PRKD1: variants seen among roughly 807,000 people sequenced by gnomAD.
PRKD1 encodes protein kinase D1.
A neutral mutation model predicts 95.9 loss-of-function variants in PRKD1; 63 were observed. The ratio of observed to expected loss-of-function variants is 0.66; its 90% CI spans 0.54 to 0.81. The LOEUF is 0.81. Among genes scored for constraint, PRKD1 ranks in the 30% least tolerant of loss-of-function variants. The pLI is 0.00. For missense variants in PRKD1, 1,048 were observed against 1,165.3 expected (o/e 0.90, Z 1.47); for synonymous variants, 425 against 423.1 (o/e 1.00, Z -0.05).
chr14:29,656,603 C>G, intron 4 of PRKD1: 1 of 1,293,894 alleles, frequency 7.7e-7, no homozygotes, highest in Non-Finnish European at 1.1e-6. Flanking sequence ...GCACATTACT[C>G]AATAATGTTT....
chr14:29,711,267 G>A (rs1885322369), intron 2 of PRKD1, among the ~76,000 whole-genome samples: 2 of 152,064 alleles, frequency 1.3e-5, no homozygotes, highest in Non-Finnish European at 2.9e-5. Flanking sequence ...AAGAGTAAGA[G>A]AGGCCAGGAC....
chr14:29,621,332 T>TA (rs1473074825), intron 13 of PRKD1, among the ~76,000 whole-genome samples: 32 of 151,986 alleles, frequency 2.1e-4, no homozygotes, highest in Non-Finnish European at 4.4e-4. Context: ...CCCTAAAACT[T>TA]AAAGTATAAT....
chr14:29,842,087 T>G (rs1333574655), intron 1 of PRKD1, among the ~76,000 whole-genome samples: 1 of 152,176 alleles, frequency 6.6e-6, no homozygotes, highest in Non-Finnish European at 1.5e-5. Context: ...CCCACTGGAA[T>G]GTATTTGGGG....
At chr14:29,852,683 G>C (rs2139341428) in intron 1 of PRKD1, among the ~76,000 whole-genome samples, 1 of 152,230 alleles carries the variant, frequency 6.6e-6, no homozygotes, top group Admixed American at 6.5e-5. Flanking sequence ...TATAGTTTTT[G>C]TATGTTACTG....
At chr14:29,920,072 G>GGAAGGAAGGAAA (rs1566672323) in intron 1 of PRKD1, among the ~76,000 whole-genome samples, 81 of 125,894 alleles carry the variant, frequency 6.4e-4, no homozygotes, top group East Asian at 3.1e-3. Context: ...AAGGAAAGAA[G>GGAAGGAAGGAAA]GAAGGAAGGA....
At chr14:29,836,443 A>G (rs1891614167) in intron 1 of PRKD1, among the ~76,000 whole-genome samples, 1 of 152,174 alleles carries the variant, frequency 6.6e-6, no homozygotes, top group Admixed American at 6.5e-5. Flanking sequence ...CTATTTAGTC[A>G]CGTTGTAGGT....
chr14:29,806,743 G>C (rs1890252363), intron 1 of PRKD1, among the ~76,000 whole-genome samples: 3 of 152,102 alleles, frequency 2.0e-5, no homozygotes, highest in Admixed American at 1.3e-4. Context: ...CATCCTGAAG[G>C]CATCAGATTT....
intron 1 of PRKD1, among the ~76,000 whole-genome samples, chr14:29,765,056 T>G (rs1305818333): frequency 6.6e-6 from 1 of 152,142 alleles, no homozygotes; most frequent in East Asian, 1.9e-4. Context: ...TTGAACTTGG[T>G]TGCTGTTAGA....
At chr14:29,784,157 A>G (rs1889168012) in intron 1 of PRKD1, among the ~76,000 whole-genome samples, 1 of 152,174 alleles carries the variant, frequency 6.6e-6, no homozygotes, top group Non-Finnish European at 1.5e-5. Context: ...ATGGTGAAAG[A>G]TAGGAGTCTA....
At chr14:29,763,342 C>T (rs1313468040) in intron 1 of PRKD1, among the ~76,000 whole-genome samples, 1 of 97,576 alleles carries the variant, frequency 1.0e-5, no homozygotes, top group Non-Finnish European at 2.2e-5. Context: ...AAGGAAGGAA[C>T]GAAGCAAGGA....
intron 1 of PRKD1, among the ~76,000 whole-genome samples, chr14:29,748,570 T>C (rs373638516): frequency 6.6e-6 from 1 of 152,190 alleles, no homozygotes; most frequent in African/African-American, 2.4e-5. Flanking sequence ...AGATCTCACA[T>C]AGGCCCTCAG....
At chr14:29,764,229 A>G (rs1888159587) in intron 1 of PRKD1, among the ~76,000 whole-genome samples, 2 of 152,072 alleles carry the variant, frequency 1.3e-5, no homozygotes, top group South Asian at 2.1e-4. Context: ...AGAACTGCCA[A>G]TTTTCAGTAA....
chr14:29,721,892 A>C (rs1885916062), intron 2 of PRKD1, among the ~76,000 whole-genome samples: 1 of 152,088 alleles, frequency 6.6e-6, no homozygotes, highest in Non-Finnish European at 1.5e-5. Flanking sequence ...ACTAGCTCAC[A>C]CTAGTCATGT....
chr14:29,812,693 G>A (rs1890540407), intron 1 of PRKD1, among the ~76,000 whole-genome samples: 1 of 152,184 alleles, frequency 6.6e-6, no homozygotes, highest in Non-Finnish European at 1.5e-5. Flanking sequence ...GAGAACAGCA[G>A]AGGGGAAACT....
chr14:29,836,492 G>A (rs962695553), intron 1 of PRKD1, among the ~76,000 whole-genome samples: 1 of 152,190 alleles, frequency 6.6e-6, no homozygotes, highest in Non-Finnish European at 1.5e-5. Context: ...GACAGGTAAA[G>A]AGAGCTGTAA....
At chr14:29,654,194 C>T (rs1048218219) in intron 4 of PRKD1, among the ~76,000 whole-genome samples, 8 of 151,708 alleles carry the variant, frequency 5.3e-5, no homozygotes, top group African/African-American at 1.9e-4. Flanking sequence ...TTTTTTGAGA[C>T]AGAGTCTCAT....
chr14:29,630,501 T>G, intron 10 of PRKD1: 3 of 516,922 alleles, frequency 5.8e-6, no homozygotes, highest in Non-Finnish European at 6.8e-6. Context: ...TACATAGTGT[T>G]TACCTGAATT....
intron 11 of PRKD1, among the ~76,000 whole-genome samples, chr14:29,628,479 T>G (rs540227588): frequency 6.0e-4 from 91 of 152,242 alleles, no homozygotes; most frequent in African/African-American, 2.1e-3. Flanking sequence ...TGATCTACAA[T>G]TTTCAAAAAC....
At chr14:29,775,288 AGACAGTGGGTGCAG>A (rs1448697459) in intron 1 of PRKD1, among the ~76,000 whole-genome samples, 2 of 152,186 alleles carry the variant, frequency 1.3e-5, no homozygotes, top group East Asian at 1.9e-4. Context: ...GGTGCTTGTC[AGACAGTGGGTGCAG>A]GACAGTGGGT....
Sources: gnomAD v4.1 joint callset for allele counts (sites outside exome capture counted in the v4.1 genomes callset) on GRCh38, gnomAD v4.1.1 for gene constraint, MANE v1.5 for transcripts, NCBI Gene and HGNC (gene_info 2026-07-23, HGNC 2026-07-21) for gene names.